Variants in TEX264 observed in about 807,000 individuals in gnomAD.
TEX264 encodes testis-expressed protein 264.
TEX264 carries 13 observed loss-of-function variants against 23.4 expected under a neutral mutation model. That is an observed-to-expected ratio of 0.56 (90% CI 0.36 to 0.88). The LOEUF is 0.88. Among genes scored for constraint, TEX264 ranks in the 40% least tolerant of loss-of-function variants. The probability of loss-of-function intolerance (pLI) is 0.01; values close to 1 mark genes in which losing one functional copy is unlikely to be tolerated. For synonymous variants in TEX264, 159 were observed against 170.0 expected (o/e 0.94, Z 0.50); for missense variants, 340 against 406.8 (o/e 0.84, Z 1.41).
chr3:51,687,730 C>T (rs1163743930), intron 3 of TEX264, among the ~76,000 whole-genome samples: 1 of 152,042 alleles, frequency 6.6e-6, no homozygotes, highest in Admixed American at 6.6e-5. Context: ...AGGTGAGGGG[C>T]AGGGGTGAAT....
intron 3 of TEX264, among the ~76,000 whole-genome samples, chr3:51,685,354 A>G (rs796318490): frequency 6.6e-6 from 1 of 152,346 alleles, no homozygotes; most frequent in African/African-American, 2.4e-5. Context: ...ACTTGTATTT[A>G]TAGTCTGTGT....
At chr3:51,688,050 C>A (rs1318131381) in intron 3 of TEX264, among the ~76,000 whole-genome samples, 6 of 152,222 alleles carry the variant, frequency 3.9e-5, no homozygotes, top group African/African-American at 9.6e-5. Context: ...CCAGGCTGAA[C>A]ACTCATTCCC....
chr3:51,690,399 G>A (rs1469183023), intron 3 of TEX264, among the ~76,000 whole-genome samples: 1 of 152,108 alleles, frequency 6.6e-6, no homozygotes, highest in Non-Finnish European at 1.5e-5. Context: ...GGGCTTGGTG[G>A]CACACACCTC....
At chr3:51,696,705 C>G (rs528314300) in intron 3 of TEX264, among the ~76,000 whole-genome samples, 2 of 152,378 alleles carry the variant, frequency 1.3e-5, no homozygotes, top group South Asian at 4.1e-4. Flanking sequence ...CAAGCCCCTT[C>G]TCTGCCTGTG....
intron 3 of TEX264, among the ~76,000 whole-genome samples, chr3:51,688,129 C>T (rs974586718): frequency 2.6e-5 from 4 of 152,362 alleles, no homozygotes; most frequent in Admixed American, 6.5e-5. Context: ...CAGGCTGCTC[C>T]GCTGGAGTCC....
intron 3 of TEX264, among the ~76,000 whole-genome samples, chr3:51,685,654 C>A (rs1489646100): frequency 6.6e-6 from 1 of 152,180 alleles, no homozygotes; most frequent in Non-Finnish European, 1.5e-5. Flanking sequence ...GTGTTCCAAC[C>A]AGGAAAATAA....
intron 1 of TEX264, among the ~76,000 whole-genome samples, chr3:51,673,662 G>C (rs2106892657): frequency 6.6e-6 from 1 of 152,330 alleles, no homozygotes; most frequent in Non-Finnish European, 1.5e-5. Flanking sequence ...AAGCTTGCTG[G>C]ATAGCAAGGT....
At chr3:51,687,065 G>T (rs938168011) in intron 3 of TEX264, among the ~76,000 whole-genome samples, 3 of 152,224 alleles carry the variant, frequency 2.0e-5, no homozygotes, top group Non-Finnish European at 2.9e-5. Flanking sequence ...ATGGGAGCCT[G>T]TCAGCTGTGC....
intron 2 of TEX264, chr3:51,682,493 T>C (rs1254816034): frequency 6.6e-6 from 1 of 152,260 alleles, no homozygotes; most frequent in African/African-American, 2.4e-5. Flanking sequence ...AGGAGCTGCA[T>C]ATTCAGAGGT....
intron 4 of TEX264, 23 bp downstream of exon 4, chr3:51,699,597 A>T (rs773693745): frequency 5.7e-5 from 92 of 1,610,664 alleles, no homozygotes; most frequent in Non-Finnish European, 7.6e-5. Flanking sequence ...GGGTATGAGG[A>T]TGGGGCCCTC....
At chr3:51,681,844 T>C (rs7648661) in intron 2 of TEX264, 1,831 of 152,324 alleles carry the variant, frequency 0.012, 28 homozygotes, top group African/African-American at 0.042. Context: ...CATGCAGTAT[T>C]ATGTGGGCCA....
At position 51,674,617 on chromosome 3, in the gene TEX264, T is replaced by G. The variant is rs1353203454; in HGVS notation, c.258+55T>G. On this transcript the variant is annotated intron_variant, in intron 2 of 4. Coordinates refer to ENST00000341333, the MANE Select transcript of TEX264 (RefSeq NM_015926.6). The stretch of plus-strand genomic sequence containing the variant: ...TGGATGGGCCTGGTGGGCCAGGGCT[T>G]CTTTGGGGAGGGTAGTTTTGGTTGC... 46 of 1,589,324 alleles carry G rather than the reference T, an allele frequency of 2.9e-5. 1 individual carries two copies. In the South Asian group the frequency reaches 3.5e-4, roughly 12 times the overall value.
rs1702632595 is a variant in TEX264 at position 51,686,657 on chromosome 3, T to G, written c.480+2023T>G. On this transcript the variant is annotated intron_variant, in intron 3 of 4. Transcript: ENST00000341333. The surrounding 1 kb of genome is among the most constrained non-coding windows in gnomAD (Gnocchi z 4.1). ...GTGGGGCAGGATGTGCTTGCCTGGC[T>G]GCGGTTGGACTGGAGGTGGGGGCGG... Among the ~76,000 whole-genome samples the G allele has an allele frequency of 6.7e-6, 1 of 149,062 alleles. No individual in the cohort carries two copies. The highest frequency in any genetic ancestry group is 6.7e-5 in the Admixed American group (1 of 14,978).
chr3:51,681,151 G>A (rs1485787807), intron 2 of TEX264, among the ~76,000 whole-genome samples: 1 of 152,198 alleles, frequency 6.6e-6, no homozygotes, highest in Admixed American at 6.5e-5. Flanking sequence ...GCCAGGAAAG[G>A]AGCTGCTGTG....
chr3:51,674,595 A>T (rs1389035816), intron 2 of TEX264, 33 bp downstream of exon 2: 1 of 1,606,592 alleles, frequency 6.2e-7, no homozygotes. Context: ...TGCCCCATGG[A>T]TGGGCCTGGT....
chr3:51,684,054 G>A, intron 2 of TEX264: 1 of 282,264 alleles, frequency 3.5e-6, no homozygotes, highest in South Asian at 4.4e-5. Flanking sequence ...GGGTGGAAGG[G>A]CCCCCTCAGT....
intron 2 of TEX264, among the ~76,000 whole-genome samples, chr3:51,675,327 G>C (rs191992801): frequency 1.3e-5 from 2 of 152,310 alleles, no homozygotes; most frequent in East Asian, 1.9e-4. Context: ...TGGGCTGGCA[G>C]CTCTGTCAAG....
intron 4 of TEX264, among the ~76,000 whole-genome samples, chr3:51,700,789 C>T (rs1273387886): frequency 6.6e-6 from 1 of 152,058 alleles, no homozygotes; most frequent in Non-Finnish European, 1.5e-5. Flanking sequence ...CATTCCCCAG[C>T]TCCTCAGCCT....
At chr3:51,687,949 C>A (rs2106959535) in intron 3 of TEX264, among the ~76,000 whole-genome samples, 1 of 152,334 alleles carries the variant, frequency 6.6e-6, no homozygotes. Context: ...CAGCCTCTGG[C>A]TCTCTGGCTA....
Sources: gnomAD v4.1 joint callset for allele counts (sites outside exome capture counted in the v4.1 genomes callset) on GRCh38, gnomAD v4.1.1 for gene constraint, Gnocchi (gnomAD v3.1) non-coding constraint, MANE v1.5 for transcripts, NCBI Gene and HGNC (gene_info 2026-07-23, HGNC 2026-07-21) for gene names.